Variants in FAM120A observed in about 807,000 individuals in gnomAD.
FAM120A encodes constitutive coactivator of PPAR-gamma-like protein 1.
FAM120A carries 15 observed loss-of-function variants against 109.7 expected under a neutral mutation model. The ratio of observed to expected loss-of-function variants is 0.14; its 90% CI spans 0.09 to 0.21. The LOEUF is 0.21. Ranked by LOEUF, FAM120A falls within the 10% of genes least tolerant of loss-of-function variation. The pLI, the probability that FAM120A is intolerant of heterozygous loss-of-function variation, is 1.00. For missense variants in FAM120A, 899 were observed against 1,439.3 expected, an observed-to-expected ratio of 0.62 and a Z score of 6.07; for synonymous variants, 493 against 572.8, an observed-to-expected ratio of 0.86 and a Z score of 1.99.
intron 5 of FAM120A, among the ~76,000 whole-genome samples, chr9:93,501,393 A>G (rs1859794661): frequency 2.0e-5 from 3 of 152,192 alleles, no homozygotes; most frequent in African/African-American, 7.2e-5. Context: ...GTTCTTATCA[A>G]ATTATTAAGA....
intron 3 of FAM120A, among the ~76,000 whole-genome samples, chr9:93,482,410 C>T (rs1423359965): frequency 1.3e-5 from 2 of 152,144 alleles, no homozygotes; most frequent in African/African-American, 4.8e-5. Context: ...AGGCTGGTGT[C>T]AAACCCCTGA....
At chr9:93,534,252 G>T (rs1339869473) in intron 10 of FAM120A, among the ~76,000 whole-genome samples, 1 of 152,160 alleles carries the variant, frequency 6.6e-6, no homozygotes, top group Non-Finnish European at 1.5e-5. Flanking sequence ...GCACGTAGGT[G>T]GTGGGGGACA....
intron 1 of FAM120A, among the ~76,000 whole-genome samples, chr9:93,459,932 A>G (rs1329521165): frequency 6.6e-6 from 1 of 152,258 alleles, no homozygotes; most frequent in African/African-American, 2.4e-5. Context: ...GCCTTTGTAA[A>G]GTCATATAAA....
intron 10 of FAM120A, among the ~76,000 whole-genome samples, chr9:93,541,422 A>G (rs1331067072): frequency 2.0e-5 from 3 of 152,164 alleles, no homozygotes; most frequent in Non-Finnish European, 4.4e-5. Context: ...GGAGATCCAC[A>G]GGATCGGGGT....
At chr9:93,538,025 T>C (rs1175649995) in intron 10 of FAM120A, among the ~76,000 whole-genome samples, 1 of 147,016 alleles carries the variant, frequency 6.8e-6, no homozygotes, top group Non-Finnish European at 1.5e-5. Context: ...ATTCATTTCA[T>C]AAGTCCTTGT....
chr9:93,508,428 A>G (rs1481015654), intron 5 of FAM120A, among the ~76,000 whole-genome samples: 1 of 152,156 alleles, frequency 6.6e-6, no homozygotes, highest in Non-Finnish European at 1.5e-5. Flanking sequence ...AAGGCTGGTC[A>G]CATTCTACCA....
At position 93,478,758 on chromosome 9, in the gene FAM120A, G is replaced by T. The variant is rs147988821; in HGVS notation, c.804+2420G>T. Reference sequence around the variant, plus strand: ...CCCAAAGTGCTGGGATTATAGGTGTGAGCCACAGCACCCGGCTCACTTTAA... The same window carrying T: ...CCCAAAGTGCTGGGATTATAGGTGTTAGCCACAGCACCCGGCTCACTTTAA... On this transcript the variant is annotated intron_variant, in intron 3 of 17. Transcript: ENST00000277165. Among the ~76,000 whole-genome samples, 1,272 of 152,272 alleles carry T rather than the reference G, an allele frequency of 8.4e-3. 17 individuals carry two copies. The highest frequency in any genetic ancestry group is 9.0e-3 in the Non-Finnish European group (610 of 68,014).
In FAM120A at chr9:93,451,705, AGCGGCGGCG is replaced by A. The variant is rs1299136962; in HGVS notation, c.-205_-197del. The A allele has an allele frequency of 2.1e-6, 2 of 970,512 alleles. No homozygotes were observed. The highest frequency in any genetic ancestry group is 1.9e-5 in the African/African-American group (1 of 52,338). The allele number at this position is 970,512 out of a possible 1,614,324, so 60.1% of individuals were successfully genotyped here. ...TCGGCCTCGGCCTCGCAGCGGCGGC[AGCGGCGGCG>A]GCGGCAGGTCCCTCCCCAGACATGG... On this transcript the variant is annotated 5_prime_UTR_variant, in exon 1 of 18. Transcript: ENST00000277165.
chr9:93,499,766 T>C (rs1041303903), intron 5 of FAM120A, among the ~76,000 whole-genome samples: 1 of 152,260 alleles, frequency 6.6e-6, no homozygotes, highest in Non-Finnish European at 1.5e-5. Context: ...GTTTGCTTCA[T>C]CTAAGTTAAC....
chr9:93,534,747 TAGAC>T (rs1416073005), intron 10 of FAM120A, among the ~76,000 whole-genome samples: 2 of 151,978 alleles, frequency 1.3e-5, no homozygotes, highest in Admixed American at 6.6e-5. Context: ...AGGAAAAAAT[TAGAC>T]AGTCCTGATA....
chr9:93,556,330 T>G, intron 12 of FAM120A, 52 bp from the exon 13 acceptor site: 20 of 1,466,736 alleles, frequency 1.4e-5, no homozygotes, highest in Non-Finnish European at 1.9e-5. Flanking sequence ...TTTGAAAGAA[T>G]TTAATACTGT....
At chr9:93,512,948 C>T (rs1156689270) in intron 5 of FAM120A, among the ~76,000 whole-genome samples, 1 of 152,050 alleles carries the variant, frequency 6.6e-6, no homozygotes, top group Non-Finnish European at 1.5e-5. Context: ...TGTTTGTTTG[C>T]TTTAAAGGAA....
chr9:93,462,966 A>G (rs12336831), intron 1 of FAM120A, among the ~76,000 whole-genome samples: 1,982 of 152,098 alleles, frequency 0.013, 19 homozygotes, highest in Non-Finnish European at 0.022. Flanking sequence ...CCTTTTTGTC[A>G]TTGTAAATGG....
intron 2 of FAM120A, among the ~76,000 whole-genome samples, chr9:93,474,632 C>T (rs1226342508): frequency 2.7e-5 from 4 of 150,582 alleles, no homozygotes; most frequent in Admixed American, 6.6e-5. Flanking sequence ...CTTGCTCTGT[C>T]GCCCAGGCTG....
At chr9:93,496,783 G>T (rs1258592975) in intron 3 of FAM120A, among the ~76,000 whole-genome samples, 1 of 152,236 alleles carries the variant, frequency 6.6e-6, no homozygotes, top group Non-Finnish European at 1.5e-5. Context: ...CTACCGCAAA[G>T]CTCTTATTAG....
chr9:93,543,441 C>G lies in FAM120A; in HGVS notation c.2129C>G (p.Thr710Ser). The G allele has an allele frequency of 6.2e-7, 1 of 1,614,182 alleles. No individual in the cohort carries two copies. The highest frequency in any genetic ancestry group is 8.5e-7 in the Non-Finnish European group (1 of 1,180,018). The change falls in exon 11 of 18, where the codon ACT (threonine) becomes AGT (serine). Residue 710 changes from threonine (T) to serine (S), a missense_variant. By Grantham distance (58) the Thr-to-Ser change is moderately conservative (BLOSUM62 1). Around this residue, in one of 11 missense-constraint regions of FAM120A, gnomAD observed 133 missense variants for 276.6 expected, o/e 0.48. Transcript: ENST00000277165. ...PAMLNPANVP[T>S]HLMVLCCVLR... ...ATGCTCAACCCTGCCAACGTGCCCA[C>G]TCACCTCATGGTGCTCTGCTGCGTC...
intron 3 of FAM120A, among the ~76,000 whole-genome samples, chr9:93,490,416 C>T (rs929398123): frequency 6.6e-6 from 1 of 152,058 alleles, no homozygotes; most frequent in Admixed American, 6.5e-5. Context: ...TAGGTCAGAC[C>T]CTGTCAAATG....
At position 93,556,652 on chromosome 9, in the gene FAM120A, T is replaced by A. The variant is rs1862291528; in HGVS notation, c.2484+61T>A. The stretch of plus-strand genomic sequence containing the variant: ...AATGAAATAAAGCTCACTGGTTAAA[T>A]CTGTCATCTTTTATACCATATTTAT... On this transcript the variant is annotated intron_variant, in intron 13 of 17. Transcript: ENST00000277165. 9 of 1,485,866 alleles carry A rather than the reference T, an allele frequency of 6.1e-6. No homozygotes were observed. The East Asian group carries it at 2.0e-4, about 34-fold the overall frequency. The allele number at this position is 1,485,866 out of a possible 1,614,324, so 92.0% of individuals were successfully genotyped here.
chr9:93,493,623 G>A (rs1217969076), intron 3 of FAM120A, among the ~76,000 whole-genome samples: 5 of 152,234 alleles, frequency 3.3e-5, no homozygotes, highest in Admixed American at 2.6e-4. Context: ...AGCGGCTGAT[G>A]TTCTGCCAAG....
Sources: allele counts gnomAD v4.1 joint callset (sites outside exome capture counted in the v4.1 genomes callset), GRCh38; gene constraint gnomAD v4.1.1; regional missense constraint gnomAD v4.1.1; transcripts MANE v1.5; gene names NCBI Gene and HGNC (gene_info 2026-07-23, HGNC 2026-07-21).